The following SPAG16 variants were observed in gnomAD, a reference collection of about 807,000 sequenced individuals.
The protein encoded by SPAG16 is sperm associated antigen 16.
In SPAG16, 86 loss-of-function variants were observed where a neutral mutation model predicts 80.4. The ratio of observed to expected loss-of-function variants is 1.07; its 90% CI spans 0.90 to 1.28. SPAG16 has a LOEUF of 1.28. SPAG16 is among the 50% of genes most tolerant of loss of function. The probability of loss-of-function intolerance (pLI) is 0.00; values close to 1 mark genes in which losing one functional copy is unlikely to be tolerated. For synonymous variants in SPAG16, 294 were observed against 265.9 expected (o/e 1.11, Z -1.03); for missense variants, 870 against 765.3 (o/e 1.14, Z -1.61).
At chr2:213,858,985 C>A (rs114883052) in intron 10 of SPAG16, among the ~76,000 whole-genome samples, 2,357 of 151,584 alleles carry the variant, frequency 0.016, 71 homozygotes, top group African/African-American at 0.054. Context: ...TTGAGACCAG[C>A]CTGATAAACA....
chr2:214,014,605 G>A (rs556318230), intron 13 of SPAG16, among the ~76,000 whole-genome samples: 1 of 152,268 alleles, frequency 6.6e-6, no homozygotes, highest in South Asian at 2.1e-4. Context: ...AGATTTAGGA[G>A]AGGGCAATAC....
At chr2:214,222,305 T>TG (rs1470186140) in intron 15 of SPAG16, among the ~76,000 whole-genome samples, 1 of 151,840 alleles carries the variant, frequency 6.6e-6, no homozygotes, top group Admixed American at 6.6e-5. Context: ...TTAGTAGAGA[T>TG]GGGGTTTCAC....
At chr2:214,195,003 C>T (rs934473703) in intron 15 of SPAG16, among the ~76,000 whole-genome samples, 1 of 151,904 alleles carries the variant, frequency 6.6e-6, no homozygotes, top group African/African-American at 2.4e-5. Context: ...ATGCAATAGG[C>T]AGATAACAGT....
At chr2:213,541,428 G>A (rs1207110324) in intron 10 of SPAG16, among the ~76,000 whole-genome samples, 1 of 152,126 alleles carries the variant, frequency 6.6e-6, no homozygotes, top group Non-Finnish European at 1.5e-5. Flanking sequence ...AGACCAGCCT[G>A]GCCAACATGG....
At chr2:213,698,371 C>T (rs906985558) in intron 10 of SPAG16, among the ~76,000 whole-genome samples, 12 of 152,154 alleles carry the variant, frequency 7.9e-5, no homozygotes, top group African/African-American at 1.2e-4. Flanking sequence ...AAGTAATCCT[C>T]ACACCTCAGC....
intron 15 of SPAG16, among the ~76,000 whole-genome samples, chr2:214,250,757 TAGAG>T (rs1171199832): frequency 0.01 from 918 of 91,224 alleles, 7 homozygotes; most frequent in East Asian, 0.037. Flanking sequence ...TATATATATA[TAGAG>T]AGAGAGAGAG....
chr2:214,335,462 A>G (rs1697212571), intron 15 of SPAG16, among the ~76,000 whole-genome samples: 1 of 88,976 alleles, frequency 1.1e-5, no homozygotes, highest in African/African-American at 2.7e-5. Flanking sequence ...CTAAATTAAC[A>G]TGGAGGAATA....
At chr2:213,985,121 C>G (rs527359582) in intron 12 of SPAG16, among the ~76,000 whole-genome samples, 1 of 152,122 alleles carries the variant, frequency 6.6e-6, no homozygotes, top group South Asian at 2.1e-4. Context: ...TGTCTTACTG[C>G]TTAGAATTGA....
rs1374100639 is a variant in SPAG16 at position 214,222,146 on chromosome 2, C to T, written c.1720+72880C>T. 7.2e-5 allele frequency among the ~76,000 whole-genome samples: 7 copies of T among 97,210 alleles called. No individual in the cohort carries two copies. The East Asian group carries it at 9.8e-4, about 14-fold the overall frequency. The allele number at this position is 97,210 out of a possible 152,430, so 63.8% of individuals were successfully genotyped here. A position where few individuals can be genotyped will look rare whatever the true frequency, so the allele number is the denominator to read the frequency against. On this transcript the variant is annotated intron_variant, in intron 15 of 15. Coordinates refer to ENST00000331683, the MANE Select transcript of SPAG16 (RefSeq NM_024532.5). ...TTTTTTTTTTTTTGAAACAGAGTTT[C>T]GCTCGTCTCACTCAGGCTGGAGTGC...
chr2:214,060,008 C>T lies in SPAG16; in HGVS notation c.1527+45931C>T, dbSNP rs1173102011. ...AGCCCTGTATCACTCACAGGACCTG[C>T]GGGCAATGCAGCCCAGTAATGCAGG... On this transcript the variant is annotated intron_variant, in intron 13 of 15. Coordinates refer to ENST00000331683, the MANE Select transcript of SPAG16 (RefSeq NM_024532.5). Among the ~76,000 whole-genome samples, 4 of 152,236 alleles carry T rather than the reference C, an allele frequency of 2.6e-5. No individual in the cohort carries two copies. In the East Asian group the frequency reaches 7.7e-4, roughly 29 times the overall value.
chr2:213,698,195 T>C (rs1314971031), intron 10 of SPAG16, among the ~76,000 whole-genome samples: 1 of 152,178 alleles, frequency 6.6e-6, no homozygotes, highest in Non-Finnish European at 1.5e-5. Flanking sequence ...TTCTTTATTC[T>C]CCTTTATGGG....
intron 14 of SPAG16, among the ~76,000 whole-genome samples, chr2:214,124,098 G>C (rs2054357290): frequency 6.6e-6 from 1 of 151,900 alleles, no homozygotes; most frequent in African/African-American, 2.4e-5. Flanking sequence ...CTGTAGGTCA[G>C]AACTGAAGGG....
chr2:213,905,364 T>C (rs180819495), intron 11 of SPAG16, among the ~76,000 whole-genome samples: 2 of 152,324 alleles, frequency 1.3e-5, no homozygotes, highest in East Asian at 3.9e-4. Flanking sequence ...AGCAAATAGT[T>C]TACCATGTTA....
chr2:213,804,677 C>T lies in SPAG16; in HGVS notation c.1071-57808C>T, dbSNP rs540486131. Among the ~76,000 whole-genome samples, 402 of 146,846 alleles carry T rather than the reference C, an allele frequency of 2.7e-3. 4 individuals carry two copies. The highest frequency in any genetic ancestry group is 3.0e-3 in the Non-Finnish European group (198 of 66,802). ...CAGCTTGGGCGACAGAGCGAGACTC[C>T]GTCTCAACTAACTAACTAACTAACT... is the stretch of plus-strand genomic sequence containing the variant. On this transcript the variant is annotated intron_variant, in intron 10 of 15. Transcript: ENST00000331683.
At chr2:213,877,215 T>A (rs1329458741) in intron 11 of SPAG16, among the ~76,000 whole-genome samples, 1 of 152,188 alleles carries the variant, frequency 6.6e-6, no homozygotes, top group East Asian at 1.9e-4. Context: ...ATTAAGGATA[T>A]CTTTCCCCAA....
At chr2:214,139,831 G>A (rs574011672) in intron 14 of SPAG16, among the ~76,000 whole-genome samples, 7 of 152,190 alleles carry the variant, frequency 4.6e-5, no homozygotes, top group Non-Finnish European at 8.8e-5. Flanking sequence ...CTAGCATAGC[G>A]TCACATGACA....
At chr2:214,089,696 A>G (rs899185106) in intron 13 of SPAG16, among the ~76,000 whole-genome samples, 4 of 151,940 alleles carry the variant, frequency 2.6e-5, no homozygotes, top group African/African-American at 9.7e-5. Flanking sequence ...ATCTTAGCAC[A>G]GTATTTACAA....
At chr2:213,944,032 T>C (rs2106298104) in intron 12 of SPAG16, among the ~76,000 whole-genome samples, 2 of 152,312 alleles carry the variant, frequency 1.3e-5, no homozygotes, top group South Asian at 4.1e-4. Flanking sequence ...CCTCAAGTCA[T>C]TTTCAGAGTT....
At chr2:213,423,532 A>G (rs2069727356) in intron 9 of SPAG16, among the ~76,000 whole-genome samples, 1 of 152,162 alleles carries the variant, frequency 6.6e-6, no homozygotes, top group Non-Finnish European at 1.5e-5. Flanking sequence ...TAGTGTCTTC[A>G]TTTGTAAAAG....
Sources: allele counts gnomAD v4.1 joint callset (sites outside exome capture counted in the v4.1 genomes callset), GRCh38; gene constraint gnomAD v4.1.1; transcripts MANE v1.5; gene names NCBI Gene and HGNC (gene_info 2026-07-23, HGNC 2026-07-21).